The following CA10 variants were observed in gnomAD, a reference collection of about 807,000 sequenced individuals.
CA10 encodes the protein carbonic anhydrase 10 (inactive), also known as carbonic anhydrase-related protein 10.
CA10 carries 14 observed loss-of-function variants against 44.2 expected under a neutral mutation model. The observed-to-expected ratio is 0.32, with a 90% CI of 0.21 to 0.50. The LOEUF is 0.50. Among genes scored for constraint, CA10 ranks in the 20% least tolerant of loss-of-function variants. The pLI, the probability that CA10 is intolerant of heterozygous loss-of-function variation, is 0.99. For synonymous variants in CA10, 159 were observed against 141.6 expected (o/e 1.12, Z -0.87); for missense variants, 350 against 409.7 (o/e 0.85, Z 1.26).
At chr17:51,951,461 A>AT (rs1167348389) in intron 2 of CA10, among the ~76,000 whole-genome samples, 1 of 152,130 alleles carries the variant, frequency 6.6e-6, no homozygotes, top group African/African-American at 2.4e-5. Flanking sequence ...CCATTACTTA[A>AT]TTATCTTATA....
At chr17:52,004,215 T>G (rs1013447834) in intron 2 of CA10, among the ~76,000 whole-genome samples, 2 of 151,924 alleles carry the variant, frequency 1.3e-5, no homozygotes, top group Non-Finnish European at 2.9e-5. Context: ...CCAGAATAAA[T>G]CCCCATAAGT....
At chr17:52,149,099 G>A (rs1431162124) in intron 1 of CA10, among the ~76,000 whole-genome samples, 1 of 152,176 alleles carries the variant, frequency 6.6e-6, no homozygotes, top group African/African-American at 2.4e-5. Context: ...AGAGAGAGGG[G>A]AGCGGAAAGA....
chr17:51,643,037 C>T (rs1200905194), intron 6 of CA10, among the ~76,000 whole-genome samples: 1 of 152,118 alleles, frequency 6.6e-6, no homozygotes. Context: ...ATGAAGCTAC[C>T]AAAATAATAC....
intron 2 of CA10, among the ~76,000 whole-genome samples, chr17:52,065,637 A>G (rs1294657262): frequency 6.6e-6 from 1 of 152,140 alleles, no homozygotes; most frequent in Non-Finnish European, 1.5e-5. Context: ...TTGATTCTTT[A>G]GGGTAAAATC....
intron 3 of CA10, among the ~76,000 whole-genome samples, chr17:51,811,620 C>A (rs1257383976): frequency 6.6e-6 from 1 of 152,112 alleles, no homozygotes; most frequent in Non-Finnish European, 1.5e-5. Flanking sequence ...TGAACTCATC[C>A]TTTTGTATGG....
At chr17:51,733,620 C>A (rs1004271891) in intron 4 of CA10, among the ~76,000 whole-genome samples, 1 of 152,146 alleles carries the variant, frequency 6.6e-6, no homozygotes. Flanking sequence ...TGTTTGGATG[C>A]CCCTGAGGTT....
intron 3 of CA10, among the ~76,000 whole-genome samples, chr17:51,878,582 G>T (rs1980194310): frequency 6.6e-6 from 1 of 151,804 alleles, no homozygotes; most frequent in African/African-American, 2.4e-5. Flanking sequence ...AGGCACCAGG[G>T]TTCATATCTG....
At chr17:51,729,355 A>G (rs544302745) in intron 4 of CA10, among the ~76,000 whole-genome samples, 2 of 151,946 alleles carry the variant, frequency 1.3e-5, no homozygotes, top group Non-Finnish European at 1.5e-5. Flanking sequence ...GTGTGTGTGT[A>G]TCACCACACA....
At chr17:52,126,409 A>G (rs1028714879) in intron 1 of CA10, among the ~76,000 whole-genome samples, 18 of 152,230 alleles carry the variant, frequency 1.2e-4, no homozygotes, top group Non-Finnish European at 2.5e-4. Flanking sequence ...AATATCCATC[A>G]GTCATTTAGA....
intron 4 of CA10, among the ~76,000 whole-genome samples, chr17:51,669,337 A>G (rs1179144346): frequency 2.0e-5 from 3 of 152,090 alleles, no homozygotes; most frequent in African/African-American, 7.2e-5. Context: ...TCTAGTGGGG[A>G]CTTGGAGAAC....
intron 2 of CA10, among the ~76,000 whole-genome samples, chr17:52,060,876 A>T (rs1313460980): frequency 6.6e-6 from 1 of 152,206 alleles, no homozygotes; most frequent in African/African-American, 2.4e-5. Flanking sequence ...TTGGAAATTT[A>T]GATAGTAACT....
At chr17:51,643,028 T>G (rs181511241) in intron 6 of CA10, among the ~76,000 whole-genome samples, 15 of 152,312 alleles carry the variant, frequency 9.8e-5, no homozygotes, top group Admixed American at 9.2e-4. Flanking sequence ...TGAAGGAGAA[T>G]GAAGCTACCA....
intron 4 of CA10, among the ~76,000 whole-genome samples, chr17:51,696,555 T>G (rs186928206): frequency 6.6e-6 from 1 of 152,196 alleles, no homozygotes; most frequent in Non-Finnish European, 1.5e-5. Flanking sequence ...TTTGATTCTT[T>G]GTATGGATTT....
chr17:51,651,143 G>A (rs1913548017), intron 5 of CA10, among the ~76,000 whole-genome samples: 1 of 152,136 alleles, frequency 6.6e-6, no homozygotes, highest in African/African-American at 2.4e-5. Context: ...ACCAGGATGT[G>A]GGGCTTGTCA....
At chr17:51,764,064 T>C (rs1598033131) in intron 3 of CA10, among the ~76,000 whole-genome samples, 1 of 149,782 alleles carries the variant, frequency 6.7e-6, no homozygotes, top group South Asian at 2.2e-4. Context: ...TAAAATAAAA[T>C]AAAATATGCC....
chr17:51,779,682 A>G (rs920921607), intron 3 of CA10, among the ~76,000 whole-genome samples: 3 of 152,190 alleles, frequency 2.0e-5, no homozygotes, highest in African/African-American at 7.2e-5. Context: ...GGGATTCCCA[A>G]GCTTTCCTGT....
At chr17:52,019,938 A>T (rs948093089) in intron 2 of CA10, among the ~76,000 whole-genome samples, 17 of 151,746 alleles carry the variant, frequency 1.1e-4, no homozygotes, top group Admixed American at 9.2e-4. Flanking sequence ...GTATATATAC[A>T]ATCTGCTTTG....
At chr17:52,051,401 C>G (rs1447062593) in intron 2 of CA10, among the ~76,000 whole-genome samples, 1 of 151,852 alleles carries the variant, frequency 6.6e-6, no homozygotes, top group East Asian at 1.9e-4. Flanking sequence ...AACTACACAT[C>G]CTACAAAGGT....
chr17:52,056,289 G>A (rs1355932472), intron 2 of CA10, among the ~76,000 whole-genome samples: 1 of 152,080 alleles, frequency 6.6e-6, no homozygotes, highest in African/African-American at 2.4e-5. Context: ...TTCAGTGAGG[G>A]AAGAAGGCAG....
Sources: gnomAD v4.1 joint callset for allele counts (sites outside exome capture counted in the v4.1 genomes callset) on GRCh38, gnomAD v4.1.1 for gene constraint, MANE v1.5 for transcripts, NCBI Gene and HGNC (gene_info 2026-07-23, HGNC 2026-07-21) for gene names.